The following OXR1 variants were observed in gnomAD, a reference collection of about 807,000 sequenced individuals.
The protein encoded by OXR1 is oxidation resistance protein 1.
In OXR1, 41 loss-of-function variants were observed where a neutral mutation model predicts 104.6. That is an observed-to-expected ratio of 0.39 (90% CI 0.31 to 0.51). The LOEUF (loss-of-function observed/expected upper bound fraction) is 0.51. Ranked by LOEUF, OXR1 falls within the 20% of genes least tolerant of loss-of-function variation. OXR1 has a pLI of 0.77. For missense variants in OXR1, 955 were observed against 1,031.9 expected (o/e 0.93, Z 1.02); for synonymous variants, 348 against 348.4 (o/e 1.00, Z 0.01).
At chr8:106,433,101 A>G (rs558810909) in intron 2 of OXR1, among the ~76,000 whole-genome samples, 25 of 152,306 alleles carry the variant, frequency 1.6e-4, no homozygotes, top group Admixed American at 3.9e-4. Context: ...GAGTTTTATT[A>G]TTGCTCAAAT....
At position 106,339,523 on chromosome 8, in the gene OXR1, TATATATATA is replaced by T. The variant is rs1815140978; in HGVS notation, c.-138-19952_-138-19944del. ...AAAAAAAAAAAAAAAAAAAAAAATATATATATATATATATATATATATATATATATATAA... is the reference window on the plus strand; with the variant it reads ...AAAAAAAAAAAAAAAAAAAAAAATATTATATATATATATATATATATATAA... On this transcript the variant is annotated intron_variant, in intron 1 of 16. Coordinates refer to ENST00000517566, the MANE Select transcript of OXR1 (RefSeq NM_001198533.2). Among the ~76,000 whole-genome samples, 6 of 17,552 alleles carry T rather than the reference TATATATATA, an allele frequency of 3.4e-4. No individual in the cohort carries two copies. In the South Asian group the frequency reaches 0.014, roughly 41 times the overall value. 11.5% of individuals were successfully genotyped at this position (17,552 alleles called of 152,430 possible). A position where few individuals can be genotyped will look rare whatever the true frequency, so the allele number is the denominator to read the frequency against.
intron 2 of OXR1, among the ~76,000 whole-genome samples, chr8:106,443,791 T>G (rs1819893969): frequency 6.6e-6 from 1 of 152,160 alleles, no homozygotes; most frequent in Admixed American, 6.6e-5. Flanking sequence ...GGGCAAAGAC[T>G]TCATGACAAA....
chr8:106,394,197 C>G (rs966111665), intron 2 of OXR1, among the ~76,000 whole-genome samples: 1 of 151,524 alleles, frequency 6.6e-6, no homozygotes, highest in Admixed American at 6.6e-5. Flanking sequence ...CACAGCCACC[C>G]CAAAATCATG....
chr8:106,368,698 C>T (rs969736698), intron 2 of OXR1, among the ~76,000 whole-genome samples: 6 of 152,262 alleles, frequency 3.9e-5, no homozygotes, highest in Middle Eastern at 3.4e-3. Flanking sequence ...TGATGGCTTC[C>T]AGCTTCATCC....
At chr8:106,455,513 T>C (rs1157799053) in intron 2 of OXR1, among the ~76,000 whole-genome samples, 1 of 152,220 alleles carries the variant, frequency 6.6e-6, no homozygotes, top group Admixed American at 6.5e-5. Flanking sequence ...TCTCATTTCA[T>C]TACTGAGTGT....
chr8:106,452,932 C>T (rs930020018), intron 2 of OXR1, among the ~76,000 whole-genome samples: 21 of 149,108 alleles, frequency 1.4e-4, no homozygotes, highest in African/African-American at 3.4e-4. Context: ...TTATCTGCCC[C>T]GAACTTCTCC....
intron 3 of OXR1, among the ~76,000 whole-genome samples, chr8:106,608,308 A>AAAAC (rs1183573642): frequency 3.3e-5 from 5 of 152,214 alleles, no homozygotes; most frequent in Admixed American, 2.6e-4. Context: ...AAAAAAGCAA[A>AAAAC]AAACAAACAA....
intron 3 of OXR1, among the ~76,000 whole-genome samples, chr8:106,599,120 A>G (rs1819750951): frequency 6.6e-6 from 1 of 152,206 alleles, no homozygotes; most frequent in South Asian, 2.1e-4. Flanking sequence ...AGCCTAGCTG[A>G]AAGGCAAATG....
rs1230957222 is a variant in OXR1 at position 106,545,767 on chromosome 8, G to A, written c.220+26628G>A. Among the ~76,000 whole-genome samples the A allele has an allele frequency of 2.6e-5, 4 of 152,156 alleles. No homozygotes were observed. In the East Asian group the frequency reaches 7.7e-4, roughly 29 times the overall value. The stretch of plus-strand genomic sequence containing the variant: ...AATCCCAGCACTTTGGGAGACTGAG[G>A]TGAGTGGATCACTTAAGCCCAAGAG... On this transcript the variant is annotated intron_variant, in intron 3 of 16. Transcript: ENST00000517566.
At chr8:106,716,610 G>A (rs1305764185) in intron 11 of OXR1, among the ~76,000 whole-genome samples, 2 of 21,022 alleles carry the variant, frequency 9.5e-5, no homozygotes, top group African/African-American at 4.3e-4. Flanking sequence ...CGGCCTGGGC[G>A]ACAGAGCGAG....
intron 1 of OXR1, among the ~76,000 whole-genome samples, chr8:106,335,534 G>C (rs957063572): frequency 6.6e-6 from 1 of 151,942 alleles, no homozygotes; most frequent in Admixed American, 6.6e-5. Context: ...GAAGGACATG[G>C]CATCTTGAAT....
intron 3 of OXR1, among the ~76,000 whole-genome samples, chr8:106,613,923 T>G (rs1820995736): frequency 6.6e-6 from 1 of 152,170 alleles, no homozygotes; most frequent in Non-Finnish European, 1.5e-5. Flanking sequence ...TTATATGGCT[T>G]GGCATCTCGA....
chr8:106,334,294 TTG>T (rs1255715519), intron 1 of OXR1, among the ~76,000 whole-genome samples: 1 of 152,204 alleles, frequency 6.6e-6, no homozygotes, highest in African/African-American at 2.4e-5. Context: ...CAACTGAACT[TTG>T]TGAATTGATC....
rs1172773586 is a variant in OXR1 at position 106,285,787 on chromosome 8, A to G, written c.-139+15420A>G. Among the ~76,000 whole-genome samples the G allele has an allele frequency of 2.6e-5, 4 of 151,944 alleles. No homozygotes were observed. The East Asian group carries it at 7.7e-4, about 29-fold the overall frequency. On this transcript the variant is annotated intron_variant, in intron 1 of 16. Coordinates refer to ENST00000517566, the MANE Select transcript of OXR1 (RefSeq NM_001198533.2). Reference sequence around the variant, plus strand: ...GTGTGGCATCTTTATACACGACGTCAACAAGAGCCTTAGAGTCTGACTACT... The same window carrying G: ...GTGTGGCATCTTTATACACGACGTCGACAAGAGCCTTAGAGTCTGACTACT...
At chr8:106,282,359 A>G (rs995833327) in intron 1 of OXR1, among the ~76,000 whole-genome samples, 4 of 152,236 alleles carry the variant, frequency 2.6e-5, no homozygotes, top group African/African-American at 9.6e-5. Context: ...ATTTATGCTC[A>G]TCACAACTTT....
At chr8:106,328,349 A>C (rs1010444881) in intron 1 of OXR1, among the ~76,000 whole-genome samples, 1 of 152,204 alleles carries the variant, frequency 6.6e-6, no homozygotes, top group Admixed American at 6.5e-5. Flanking sequence ...CAGAGATGCA[A>C]GATGAACAGC....
chr8:106,672,023 A>G (rs1322444479), intron 3 of OXR1, among the ~76,000 whole-genome samples: 1 of 149,488 alleles, frequency 6.7e-6, no homozygotes, highest in Non-Finnish European at 1.5e-5. Context: ...GTGAGGAGTC[A>G]GTAATTCAGA....
At chr8:106,347,386 AC>A (rs1482354051) in intron 1 of OXR1, among the ~76,000 whole-genome samples, 1 of 152,188 alleles carries the variant, frequency 6.6e-6, no homozygotes, top group Non-Finnish European at 1.5e-5. Context: ...AGAAGGTCTT[AC>A]CCTCTTAGAA....
intron 2 of OXR1, among the ~76,000 whole-genome samples, chr8:106,472,311 GT>G (rs113167894): frequency 0.02 from 3,036 of 151,804 alleles, 59 homozygotes; most frequent in East Asian, 0.08. Flanking sequence ...TTTGGGGCTG[GT>G]TTTTTTCCCC....
Sources: gnomAD v4.1 joint callset for allele counts (sites outside exome capture counted in the v4.1 genomes callset) on GRCh38, gnomAD v4.1.1 for gene constraint, MANE v1.5 for transcripts, NCBI Gene and HGNC (gene_info 2026-07-23, HGNC 2026-07-21) for gene names.